The following ATRNL1 variants were observed in gnomAD, a reference collection of about 807,000 sequenced individuals.
The protein encoded by ATRNL1 is attractin-like protein 1.
ATRNL1 carries 95 observed loss-of-function variants against 182.7 expected under a neutral mutation model. The observed-to-expected ratio is 0.52, with a 90% CI of 0.44 to 0.62. The LOEUF is 0.62. ATRNL1 is among the 20% of genes least tolerant of loss of function. The pLI is 0.00. For missense variants in ATRNL1, 1,471 were observed against 1,679.5 expected, an observed-to-expected ratio of 0.88 and a Z score of 2.17; for synonymous variants, 576 against 568.3, an observed-to-expected ratio of 1.01 and a Z score of -0.19.
intron 3 of ATRNL1, among the ~76,000 whole-genome samples, chr10:115,125,364 T>C (rs1844921278): frequency 1.3e-5 from 2 of 152,224 alleles, no homozygotes; most frequent in African/African-American, 4.8e-5. Context: ...ATCAAGGTTA[T>C]GTAATTATAG....
chr10:115,856,428 C>A (rs1281536963), intron 28 of ATRNL1, among the ~76,000 whole-genome samples: 5 of 22,532 alleles, frequency 2.2e-4, no homozygotes, highest in Admixed American at 1.1e-3. Flanking sequence ...AGCTCCATCT[C>A]AAAAAAAAAA....
chr10:115,122,421 A>T (rs1216158170), intron 3 of ATRNL1, among the ~76,000 whole-genome samples: 2 of 151,840 alleles, frequency 1.3e-5, no homozygotes, highest in Non-Finnish European at 2.9e-5. Flanking sequence ...AATAGGAGAA[A>T]ATCTATTAGA....
intron 27 of ATRNL1, among the ~76,000 whole-genome samples, chr10:115,733,197 ATTAATT>A (rs1947851208): frequency 1.3e-5 from 2 of 152,172 alleles, no homozygotes; most frequent in African/African-American, 4.8e-5. Context: ...TTACAGCATG[ATTAATT>A]TTTACCAGAC....
intron 8 of ATRNL1, among the ~76,000 whole-genome samples, chr10:115,195,160 G>A (rs180742366): frequency 1.3e-5 from 2 of 151,968 alleles, no homozygotes; most frequent in East Asian, 3.9e-4. Flanking sequence ...AGTATTAAGC[G>A]TATTCTCTGT....
At chr10:115,626,787 T>G (rs958840496) in intron 26 of ATRNL1, among the ~76,000 whole-genome samples, 1 of 152,200 alleles carries the variant, frequency 6.6e-6, no homozygotes, top group Non-Finnish European at 1.5e-5. Flanking sequence ...ACTCAAGTTA[T>G]TGTATTATTG....
chr10:115,768,992 T>A (rs1948923654), intron 27 of ATRNL1, among the ~76,000 whole-genome samples: 1 of 152,160 alleles, frequency 6.6e-6, no homozygotes, highest in South Asian at 2.1e-4. Context: ...GGAAAACATA[T>A]AGACATATGA....
chr10:115,665,252 G>A (rs1291614878), intron 26 of ATRNL1, among the ~76,000 whole-genome samples: 1 of 152,100 alleles, frequency 6.6e-6, no homozygotes, highest in Non-Finnish European at 1.5e-5. Context: ...ATATAACAGA[G>A]TCATTGATTA....
chr10:115,201,131 C>T (rs1554892274), intron 8 of ATRNL1, among the ~76,000 whole-genome samples: 1 of 145,666 alleles, frequency 6.9e-6, no homozygotes. Flanking sequence ...TGGATATTAG[C>T]CCTTTGTCAG....
chr10:115,411,049 T>G (rs1347896065), intron 20 of ATRNL1, among the ~76,000 whole-genome samples: 1 of 152,138 alleles, frequency 6.6e-6, no homozygotes, highest in African/African-American at 2.4e-5. Context: ...CCCTTCATAT[T>G]TAATCATAAA....
rs78085686 is a variant in ATRNL1, at chr10:115,878,350, A to T, written c.4018+30359A>T. Among the ~76,000 whole-genome samples, 419 of 152,376 alleles carry T rather than the reference A, an allele frequency of 2.7e-3. 1 individual carries two copies. The highest frequency in any genetic ancestry group is 9.7e-3 in the African/African-American group (402 of 41,592). On this transcript the variant is annotated intron_variant, in intron 28 of 28. Transcript: ENST00000355044. ...GGCTTAGGCCAGAGAGAATGCCAGT[A>T]GGAAGACTCTTCTCCCAGGAAATAA...
At position 115,300,060 on chromosome 10, in the gene ATRNL1, C is replaced by A. The variant is rs376675367; in HGVS notation, c.2442C>A (p.Arg814=). The A allele has an allele frequency of 1.2e-6, 2 of 1,613,214 alleles. No individual in the cohort carries two copies. The highest frequency in any genetic ancestry group is 3.3e-5 in the Admixed American group (2 of 59,918). Residue 814 remains arginine, a synonymous_variant, in exon 16 of 29, where the codon CGC becomes CGA. Coordinates refer to ENST00000355044, the MANE Select transcript of ATRNL1 (RefSeq NM_207303.4). ...AAGTATCACCTTGGGTAGGCTTGCG[C>A]AAGATCAATATATCCTATTGGGGAT... ...QQKVSPWVGL[R]KINISYWGWE...
At chr10:115,845,148 T>C (rs1393045890) in intron 27 of ATRNL1, among the ~76,000 whole-genome samples, 1 of 152,148 alleles carries the variant, frequency 6.6e-6, no homozygotes, top group Non-Finnish European at 1.5e-5. Flanking sequence ...ACAGAATGAA[T>C]AATTCATATT....
In ATRNL1 at chr10:115,121,684, C is replaced by A. The variant is rs572766643; in HGVS notation, c.378-15C>A. ...GTATATTTTAATTTGAAAAATATTT[C>A]ATATTCATTTTCAGTCCAAATGCAG... On this transcript the variant is annotated splice_polypyrimidine_tract_variant and intron_variant, in intron 2 of 28. Coordinates refer to ENST00000355044, the MANE Select transcript of ATRNL1 (RefSeq NM_207303.4). 5.1e-5 allele frequency: 60 copies of A among 1,184,186 alleles called. No homozygotes were observed. Among genetic ancestry groups the A allele is most frequent in the Admixed American group, 1.8e-4 (8 of 45,024 alleles). 73.4% of individuals were successfully genotyped at this position (1,184,186 alleles called of 1,614,324 possible). A position where few individuals can be genotyped will look rare whatever the true frequency, so the allele number is the denominator to read the frequency against.
rs950569442 is a variant in ATRNL1, at chr10:115,370,597, A to T, written c.3176-24062A>T. Among the ~76,000 whole-genome samples the T allele has an allele frequency of 2.6e-5, 4 of 152,176 alleles. No individual in the cohort carries two copies. The East Asian group carries it at 7.7e-4, about 29-fold the overall frequency. On this transcript the variant is annotated intron_variant, in intron 19 of 28. Coordinates refer to ENST00000355044, the MANE Select transcript of ATRNL1 (RefSeq NM_207303.4). ...TTGTGGAACTTTGAACTTGAGAGAG[A>T]TGATTTAGGGTATCTGGTGGAAGAA...
At chr10:115,595,033 G>T (rs1856148781) in intron 26 of ATRNL1, among the ~76,000 whole-genome samples, 1 of 152,098 alleles carries the variant, frequency 6.6e-6, no homozygotes, top group Non-Finnish European at 1.5e-5. Context: ...TCACAGAATG[G>T]ACACTTCTGT....
chr10:115,660,405 A>T (rs1860608509), intron 26 of ATRNL1, among the ~76,000 whole-genome samples: 1 of 152,102 alleles, frequency 6.6e-6, no homozygotes, highest in Admixed American at 6.6e-5. Context: ...ATCTAAGTGG[A>T]GGTGTGTAGT....
intron 27 of ATRNL1, among the ~76,000 whole-genome samples, chr10:115,838,609 C>T (rs1950733672): frequency 6.6e-6 from 1 of 152,086 alleles, no homozygotes; most frequent in African/African-American, 2.4e-5. Flanking sequence ...AAAGAAACCC[C>T]TAGGGCTATA....
chr10:115,588,357 C>T (rs1555010966), intron 26 of ATRNL1, among the ~76,000 whole-genome samples: 1 of 152,118 alleles, frequency 6.6e-6, no homozygotes, highest in African/African-American at 2.4e-5. Flanking sequence ...AGAGTGTTGG[C>T]AGATAGAGAG....
intron 1 of ATRNL1, among the ~76,000 whole-genome samples, chr10:115,109,859 A>G (rs1844184029): frequency 6.6e-6 from 1 of 152,176 alleles, no homozygotes; most frequent in African/African-American, 2.4e-5. Context: ...TTCACCTTTT[A>G]AAGATGTACA....
Sources: allele counts gnomAD v4.1 joint callset (sites outside exome capture counted in the v4.1 genomes callset), GRCh38; gene constraint gnomAD v4.1.1; transcripts MANE v1.5; gene names NCBI Gene and HGNC (gene_info 2026-07-23, HGNC 2026-07-21).